The following FAM114A1 variants were observed in gnomAD, a reference collection of about 807,000 sequenced individuals.
FAM114A1 encodes the protein family with sequence similarity 114 member A1.
In FAM114A1, 62 loss-of-function variants were observed where a neutral mutation model predicts 64.3. That is an observed-to-expected ratio of 0.96 (90% confidence interval 0.79 to 1.19). The LOEUF (loss-of-function observed/expected upper bound fraction) is 1.19. Ranked by LOEUF, FAM114A1 falls within the 50% of genes most tolerant of loss-of-function variation. FAM114A1 has a pLI of 0.00. For missense variants in FAM114A1, 645 were observed against 676.3 expected, an observed-to-expected ratio of 0.95 and a Z score of 0.51; for synonymous variants, 254 against 251.1, an observed-to-expected ratio of 1.01 and a Z score of -0.11.
intron 14 of FAM114A1, among the ~76,000 whole-genome samples, chr4:38,942,346 C>T (rs893577882): frequency 2.0e-5 from 3 of 152,018 alleles, no homozygotes; most frequent in South Asian, 2.1e-4. Context: ...GTTTAGGATG[C>T]GGCCGCACAG....
At chr4:38,923,971 C>T (rs1719874441) in intron 9 of FAM114A1, among the ~76,000 whole-genome samples, 2 of 152,142 alleles carry the variant, frequency 1.3e-5, no homozygotes, top group South Asian at 4.1e-4. Context: ...ATGTCATAAC[C>T]ACCGACCCAC....
intron 7 of FAM114A1, among the ~76,000 whole-genome samples, chr4:38,909,999 G>A (rs1398916883): frequency 3.3e-5 from 5 of 152,216 alleles, no homozygotes; most frequent in Admixed American, 6.5e-5. Flanking sequence ...TTGAGAGGCC[G>A]AGGCGGGCAG....
At chr4:38,882,094 T>C (rs1038866346) in intron 3 of FAM114A1, among the ~76,000 whole-genome samples, 1 of 144,048 alleles carries the variant, frequency 6.9e-6, no homozygotes, top group East Asian at 2.1e-4. Flanking sequence ...GGGTGGATCA[T>C]GAGGTCAGGA....
At chr4:38,894,162 CAA>C (rs60660305) in intron 4 of FAM114A1, among the ~76,000 whole-genome samples, 47 of 80,370 alleles carry the variant, frequency 5.8e-4, no homozygotes, top group African/African-American at 1.8e-3. Context: ...GAGTATGTCT[CAA>C]AAAAAAAAAA....
chr4:38,910,715 G>C (rs1177542019), intron 7 of FAM114A1, among the ~76,000 whole-genome samples: 1 of 152,174 alleles, frequency 6.6e-6, no homozygotes. Flanking sequence ...GCAGGAACCT[G>C]AGTAAAGCTC....
intron 2 of FAM114A1, among the ~76,000 whole-genome samples, chr4:38,874,340 C>T (rs554812735): frequency 2.0e-5 from 3 of 152,226 alleles, no homozygotes; most frequent in African/African-American, 7.2e-5. Context: ...TGGTAAATGA[C>T]AGCTCTGAGT....
At chr4:38,870,289 A>G (rs925467066) in intron 2 of FAM114A1, among the ~76,000 whole-genome samples, 5 of 152,194 alleles carry the variant, frequency 3.3e-5, no homozygotes, top group African/African-American at 1.2e-4. Flanking sequence ...CCAGGCCTGA[A>G]TCACCACATC....
At chr4:38,917,031 G>A (rs1331462633) in intron 8 of FAM114A1, among the ~76,000 whole-genome samples, 1 of 151,966 alleles carries the variant, frequency 6.6e-6, no homozygotes, top group African/African-American at 2.4e-5. Context: ...TTAGCCAGGC[G>A]CAGTGGCTCA....
intron 10 of FAM114A1, among the ~76,000 whole-genome samples, chr4:38,930,467 G>A (rs940726458): frequency 1.3e-5 from 2 of 152,044 alleles, no homozygotes; most frequent in Non-Finnish European, 2.9e-5. Context: ...ATTCATCTCC[G>A]TGCAGCATCT....
At position 38,915,771 on chromosome 4, in the gene FAM114A1, G is replaced by GTGTGTC. The variant is rs1553869606; in HGVS notation, c.945+703_945+704insCTGTGT. Among the ~76,000 whole-genome samples the GTGTGTC allele has an allele frequency of 3.3e-5, 5 of 151,288 alleles. No homozygotes were observed. The East Asian group carries it at 7.8e-4, about 24-fold the overall frequency. ...TGTGTGTGTGTGTGTGTGTGTGTGT[G>GTGTGTC]TGTGTGTGTGTGTGTGTGTGTGTTT... On this transcript the variant is annotated intron_variant, in intron 8 of 14. Transcript: ENST00000358869.
chr4:38,901,458 T>C (rs1341656235), intron 4 of FAM114A1, among the ~76,000 whole-genome samples: 1 of 152,116 alleles, frequency 6.6e-6, no homozygotes, highest in Non-Finnish European at 1.5e-5. Flanking sequence ...CGGCAAATTT[T>C]GTATTGTATT....
Position 38,945,629 on chromosome 4 carries a change from T to A in FAM114A1, c.*2072T>A, listed in dbSNP as rs1250845752. On this transcript the variant is annotated 3_prime_UTR_variant, in exon 15 of 15. Transcript: ENST00000358869. ...ATTAGCATTTCATTTGTCTATGTAC[T>A]GTATTTCATTTGTATGTCTCCTGAA... The A allele has an allele frequency of 6.6e-6, 1 of 152,258 alleles. No homozygotes were observed. 9.4% of individuals were successfully genotyped at this position (152,258 alleles called of 1,614,324 possible). A position where few individuals can be genotyped will look rare whatever the true frequency, so the allele number is the denominator to read the frequency against.
chr4:38,907,234 C>T (rs1718095363), intron 6 of FAM114A1, among the ~76,000 whole-genome samples: 1 of 152,184 alleles, frequency 6.6e-6, no homozygotes, highest in South Asian at 2.1e-4. Flanking sequence ...TACAAGTCAA[C>T]CACCCCCGTG....
At chr4:38,877,491 G>A (rs1483632516) in intron 2 of FAM114A1, among the ~76,000 whole-genome samples, 2 of 152,150 alleles carry the variant, frequency 1.3e-5, no homozygotes, top group Non-Finnish European at 2.9e-5. Context: ...TCTGATAGGA[G>A]GCGGAGTTCA....
chr4:38,910,803 C>G (rs1258542271), intron 7 of FAM114A1, among the ~76,000 whole-genome samples: 1 of 151,992 alleles, frequency 6.6e-6, no homozygotes, highest in South Asian at 2.1e-4. Context: ...GCAGGATGCC[C>G]GTGATGGAGA....
At chr4:38,890,515 C>T (rs1029173901) in intron 3 of FAM114A1, among the ~76,000 whole-genome samples, 11 of 152,140 alleles carry the variant, frequency 7.2e-5, no homozygotes, top group Non-Finnish European at 1.0e-4. Flanking sequence ...TTTCCACTGC[C>T]TCCTTACTTT....
At chr4:38,889,613 T>G (rs1716132356) in intron 3 of FAM114A1, among the ~76,000 whole-genome samples, 1 of 152,192 alleles carries the variant, frequency 6.6e-6, no homozygotes, top group Non-Finnish European at 1.5e-5. Context: ...GTTTGCATTT[T>G]ATAATGAGGA....
At chr4:38,917,682 A>G (rs1261594927) in intron 8 of FAM114A1, among the ~76,000 whole-genome samples, 1 of 152,134 alleles carries the variant, frequency 6.6e-6, no homozygotes, top group African/African-American at 2.4e-5. Flanking sequence ...GTGGAGAATG[A>G]TTCCATTGTG....
chr4:38,907,741 A>G (rs1247101024), intron 6 of FAM114A1, among the ~76,000 whole-genome samples: 1 of 152,234 alleles, frequency 6.6e-6, no homozygotes, highest in Non-Finnish European at 1.5e-5. Context: ...TAATAATATC[A>G]TAATAAAATA....
Sources: gnomAD v4.1 joint callset for allele counts (sites outside exome capture counted in the v4.1 genomes callset) on GRCh38, gnomAD v4.1.1 for gene constraint, MANE v1.5 for transcripts, NCBI Gene and HGNC (gene_info 2026-07-23, HGNC 2026-07-21) for gene names.